The following AGPAT5 variants were observed in gnomAD, a reference collection of about 807,000 sequenced individuals.
AGPAT5 encodes 1-acyl-sn-glycerol-3-phosphate acyltransferase epsilon.
A neutral mutation model predicts 45.6 loss-of-function variants in AGPAT5; 46 were observed. The observed-to-expected ratio is 1.01, with a 90% confidence interval of 0.80 to 1.29. The LOEUF is 1.29. Among genes scored for constraint, AGPAT5 ranks in the 50% most tolerant of loss-of-function variants. The pLI is 0.00. For synonymous variants in AGPAT5, 272 were observed against 167.0 expected, an observed-to-expected ratio of 1.63 and a Z score of -4.85; for missense variants, 673 against 450.7, an observed-to-expected ratio of 1.49 and a Z score of -4.47.
At chr8:6,749,852 C>G (rs1051140788) in intron 6 of AGPAT5, among the ~76,000 whole-genome samples, 3 of 152,200 alleles carry the variant, frequency 2.0e-5, no homozygotes, top group African/African-American at 7.2e-5. Context: ...GTCTAAGAAC[C>G]CCTTGGTTCA....
chr8:6,726,089 C>T (rs1182320035), intron 2 of AGPAT5, among the ~76,000 whole-genome samples: 1 of 152,204 alleles, frequency 6.6e-6, no homozygotes, highest in Non-Finnish European at 1.5e-5. Context: ...TATTACATGA[C>T]TGGTTCAGAC....
At chr8:6,743,727 A>G (rs1026163155) in intron 5 of AGPAT5, among the ~76,000 whole-genome samples, 4 of 149,562 alleles carry the variant, frequency 2.7e-5, no homozygotes, top group African/African-American at 7.4e-5. Context: ...AATTAAATGT[A>G]TCTTAATCTG....
intron 1 of AGPAT5, among the ~76,000 whole-genome samples, chr8:6,722,165 C>T (rs1452729050): frequency 2.6e-5 from 4 of 152,096 alleles, no homozygotes; most frequent in Non-Finnish European, 5.9e-5. Flanking sequence ...TTTCTGGTCT[C>T]CTAATAAGGG....
intron 1 of AGPAT5, among the ~76,000 whole-genome samples, chr8:6,713,425 A>G (rs1800220054): frequency 6.6e-6 from 1 of 152,210 alleles, no homozygotes; most frequent in Non-Finnish European, 1.5e-5. Context: ...ACAGTTCTTA[A>G]GTTTATATAA....
chr8:6,720,172 G>T (rs894144561), intron 1 of AGPAT5, among the ~76,000 whole-genome samples: 15 of 152,118 alleles, frequency 9.9e-5, no homozygotes, highest in Non-Finnish European at 2.2e-4. Context: ...TGTCCACCAG[G>T]ATGACCATGT....
intron 4 of AGPAT5, among the ~76,000 whole-genome samples, chr8:6,734,463 TC>T (rs1273839586): frequency 6.6e-6 from 1 of 152,162 alleles, no homozygotes; most frequent in Non-Finnish European, 1.5e-5. Context: ...TTTCATAGTT[TC>T]CATCTCTGTG....
intron 3 of AGPAT5, among the ~76,000 whole-genome samples, chr8:6,731,927 C>T (rs939354491): frequency 1.3e-5 from 2 of 152,154 alleles, no homozygotes; most frequent in Non-Finnish European, 2.9e-5. Flanking sequence ...GCACCGCTGG[C>T]ACTGCTTCCT....
intron 7 of AGPAT5, among the ~76,000 whole-genome samples, chr8:6,755,833 G>C (rs563375460): frequency 3.1e-4 from 47 of 152,188 alleles, no homozygotes; most frequent in African/African-American, 1.1e-3. Context: ...AGTGTAATAG[G>C]TTAACAATGA....
chr8:6,717,470 C>T (rs989204432), intron 1 of AGPAT5, among the ~76,000 whole-genome samples: 1 of 152,204 alleles, frequency 6.6e-6, no homozygotes, highest in East Asian at 1.9e-4. Flanking sequence ...ATGTTCTAGA[C>T]TGACAAAATA....
In AGPAT5 at chr8:6,759,854, T is replaced by C. The variant is rs1192610769; in HGVS notation, c.*2466T>C. Among the ~76,000 whole-genome samples, 5 of 152,220 alleles carry C rather than the reference T, an allele frequency of 3.3e-5. No homozygotes were observed. The highest frequency in any genetic ancestry group is 6.5e-5 in the Admixed American group (1 of 15,284). ...ATATTAGTTTGGTTATATAAATTCA[T>C]CTGCAATTTATAAGATGCATGGCCG... is the stretch of plus-strand genomic sequence containing the variant. On this transcript the variant is annotated 3_prime_UTR_variant, in exon 8 of 8. Coordinates refer to ENST00000285518, the MANE Select transcript of AGPAT5 (RefSeq NM_018361.5).
Position 6,757,272 on chromosome 8 carries a change from A to G in AGPAT5, c.979A>G (p.Ile327Val). The G allele has an allele frequency of 6.2e-7, 1 of 1,614,182 alleles. No homozygotes were observed. The highest frequency in any genetic ancestry group is 8.5e-7 in the Non-Finnish European group (1 of 1,180,022). Residue 327 changes from isoleucine (I) to valine (V), a missense_variant, in exon 8 of 8, where the codon ATC becomes GTC. Ile to Val is a conservative substitution (Grantham distance 29). Coordinates refer to ENST00000285518, the MANE Select transcript of AGPAT5 (RefSeq NM_018361.5). ...CAAGAAGACTTTACCATCAATGTTG[A>G]TCTTAAGTGGTTTGACTGCAGGCAT... ...SIKKTLPSMLILSGLTAGMLM... is the reference protein window; with the variant it reads ...SIKKTLPSMLVLSGLTAGMLM...
chr8:6,756,712 G>T (rs958205500), intron 7 of AGPAT5, among the ~76,000 whole-genome samples: 12 of 151,786 alleles, frequency 7.9e-5, no homozygotes, highest in Non-Finnish European at 1.8e-4. Context: ...TTTGATCTTG[G>T]TCTCTGCCGG....
intron 6 of AGPAT5, among the ~76,000 whole-genome samples, chr8:6,753,158 C>G (rs1414532333): frequency 6.6e-6 from 1 of 152,230 alleles, no homozygotes; most frequent in South Asian, 2.1e-4. Context: ...GACCCATGCA[C>G]ATTTCGGAGT....
chr8:6,757,383 G>T lies in AGPAT5; in HGVS notation c.1090G>T (p.Ala364Ser), dbSNP rs769976234. The change falls in exon 8 of 8, where the codon GCA becomes TCA. Residue 364 changes from alanine (A) to serine (S), a missense_variant. Coordinates refer to ENST00000285518, the MANE Select transcript of AGPAT5 (RefSeq NM_018361.5). ...TGGCTGCCTGTGGGTTACTATTAAAGCATAGACAAGTAGCTGTCTCCAGAC... is the reference window on the plus strand; with the variant it reads ...TGGCTGCCTGTGGGTTACTATTAAATCATAGACAAGTAGCTGTCTCCAGAC... Reference protein sequence around the residue: ...LLGCLWVTIKA With the variant: ...LLGCLWVTIKS 1 of 1,613,722 alleles carries T rather than the reference G, an allele frequency of 6.2e-7. No individual in the cohort carries two copies. Among genetic ancestry groups the T allele is most frequent in the East Asian group, 2.2e-5 (1 of 44,878 alleles).
intron 1 of AGPAT5, among the ~76,000 whole-genome samples, chr8:6,722,657 G>A (rs1173207320): frequency 1.3e-5 from 2 of 152,162 alleles, no homozygotes; most frequent in Non-Finnish European, 2.9e-5. Flanking sequence ...TGTGATGAAG[G>A]CGAGGTGAAA....
chr8:6,709,824 G>C (rs1427336470), intron 1 of AGPAT5, among the ~76,000 whole-genome samples: 1 of 152,078 alleles, frequency 6.6e-6, no homozygotes, highest in Non-Finnish European at 1.5e-5. Flanking sequence ...GCCCCAGTTG[G>C]AAGTTGTTTG....
intron 1 of AGPAT5, 196 bp downstream of exon 1, chr8:6,709,083 G>A: frequency 1.5e-6 from 1 of 679,688 alleles, no homozygotes; most frequent in East Asian, 2.8e-5. Flanking sequence ...GGAAGCTGTG[G>A]CTGCGTCGTC....
intron 1 of AGPAT5, among the ~76,000 whole-genome samples, chr8:6,720,266 A>C (rs1038861057): frequency 6.6e-6 from 1 of 152,214 alleles, no homozygotes; most frequent in Non-Finnish European, 1.5e-5. Flanking sequence ...TCAAAAAAAA[A>C]ACTTGGAATG....
At chr8:6,757,071 C>G in intron 7 of AGPAT5, 92 bp from the exon 8 acceptor site, 1 of 951,050 alleles carries the variant, frequency 1.1e-6, no homozygotes, top group Non-Finnish European at 1.6e-6. Flanking sequence ...ACCTGCATAA[C>G]TTTTCCAGCG....
Sources: gnomAD v4.1 joint callset for allele counts (sites outside exome capture counted in the v4.1 genomes callset) on GRCh38, gnomAD v4.1.1 for gene constraint, MANE v1.5 for transcripts, NCBI Gene and HGNC (gene_info 2026-07-23, HGNC 2026-07-21) for gene names.